Variants in MTMR7 observed in about 807,000 individuals in gnomAD.
MTMR7 encodes the protein myotubularin related protein 7.
A neutral mutation model predicts 81.2 loss-of-function variants in MTMR7; 76 were observed. That is an observed-to-expected ratio of 0.94 (90% CI 0.78 to 1.13). The LOEUF is 1.13. MTMR7 is among the 50% of genes most tolerant of loss of function. MTMR7 has a pLI of 0.00. For synonymous variants in MTMR7, 372 were observed against 289.8 expected (o/e 1.28, Z -2.88); for missense variants, 1,044 against 820.0 (o/e 1.27, Z -3.34).
rs184210310 is a variant in MTMR7 at position 17,393,986 on chromosome 8, T to A, written c.24+19283A>T. ...TAATTAGCTACCAGGTACATGCAAC[T>A]CAAACTACCACAAGATACCGCTTCA... On this transcript the variant is annotated intron_variant, in intron 1 of 13. Coordinates refer to ENST00000180173, the MANE Select transcript of MTMR7 (RefSeq NM_004686.5). Among the ~76,000 whole-genome samples, 673 of 152,262 alleles carry A rather than the reference T, an allele frequency of 4.4e-3. 5 individuals are homozygous for A. The highest frequency in any genetic ancestry group is 7.4e-3 in the Non-Finnish European group (504 of 68,026).
At chr8:17,336,002 A>T (rs1439477071) in intron 6 of MTMR7, among the ~76,000 whole-genome samples, 2 of 152,130 alleles carry the variant, frequency 1.3e-5, no homozygotes, top group Non-Finnish European at 2.9e-5. Context: ...GAGGGAGAAG[A>T]GAAGAGGTAA....
intron 3 of MTMR7, among the ~76,000 whole-genome samples, chr8:17,369,037 C>A (rs80333987): frequency 0.014 from 2,183 of 152,336 alleles, 52 homozygotes; most frequent in East Asian, 0.074. Flanking sequence ...CTGTGATTCA[C>A]TCATCACCAG....
At chr8:17,395,769 G>C (rs1821227427) in intron 1 of MTMR7, among the ~76,000 whole-genome samples, 3 of 152,120 alleles carry the variant, frequency 2.0e-5, no homozygotes, top group African/African-American at 7.2e-5. Flanking sequence ...TGTTTAAACT[G>C]GGTTGGCTGT....
At chr8:17,368,804 A>C (rs1820317654) in intron 3 of MTMR7, among the ~76,000 whole-genome samples, 1 of 152,190 alleles carries the variant, frequency 6.6e-6, no homozygotes, top group African/African-American at 2.4e-5. Flanking sequence ...GATTCTTTTT[A>C]ACTCCTCTTA....
chr8:17,408,088 T>C (rs1391619927), intron 1 of MTMR7, among the ~76,000 whole-genome samples: 1 of 152,072 alleles, frequency 6.6e-6, no homozygotes. Context: ...AAACCATCAA[T>C]CAGCAAGAAC....
intron 7 of MTMR7, among the ~76,000 whole-genome samples, chr8:17,324,168 G>C (rs1398734426): frequency 6.6e-6 from 1 of 152,146 alleles, no homozygotes; most frequent in African/African-American, 2.4e-5. Context: ...TTCTGCTCTA[G>C]GTCAAAATTG....
chr8:17,350,303 T>C (rs1819688446), intron 4 of MTMR7, among the ~76,000 whole-genome samples: 1 of 152,168 alleles, frequency 6.6e-6, no homozygotes, highest in Admixed American at 6.5e-5. Context: ...CTGGGTAATT[T>C]ATAAAGGAAA....
At chr8:17,399,371 T>A (rs1821355806) in intron 1 of MTMR7, among the ~76,000 whole-genome samples, 1 of 152,052 alleles carries the variant, frequency 6.6e-6, no homozygotes, top group Non-Finnish European at 1.5e-5. Flanking sequence ...AAGAAAGCAA[T>A]CCTATTTATA....
intron 4 of MTMR7, among the ~76,000 whole-genome samples, chr8:17,357,550 C>CT (rs1819931317): frequency 7.5e-6 from 1 of 133,762 alleles, no homozygotes; most frequent in African/African-American, 3.1e-5. Flanking sequence ...ACATAAAACA[C>CT]CTTTTTTTCC....
At chr8:17,304,012 T>G (rs1430531775) in intron 12 of MTMR7, among the ~76,000 whole-genome samples, 1 of 152,224 alleles carries the variant, frequency 6.6e-6, no homozygotes, top group East Asian at 1.9e-4. Context: ...AAACCACAAT[T>G]ATTTTTGCTC....
At chr8:17,406,134 C>G (rs556156100) in intron 1 of MTMR7, among the ~76,000 whole-genome samples, 21 of 151,908 alleles carry the variant, frequency 1.4e-4, no homozygotes, top group African/African-American at 5.1e-4. Context: ...GCACAAGTGA[C>G]AAAAGAAAAA....
chr8:17,316,836 C>A (rs570947954), intron 7 of MTMR7, among the ~76,000 whole-genome samples: 1 of 151,730 alleles, frequency 6.6e-6, no homozygotes, highest in African/African-American at 2.4e-5. Context: ...GGGACTTCTG[C>A]GTGTGTGGAT....
At chr8:17,313,259 G>C in intron 8 of MTMR7, 33 bp downstream of exon 8, 4 of 1,512,680 alleles carry the variant, frequency 2.6e-6, no homozygotes, top group Non-Finnish European at 3.7e-6. Flanking sequence ...TTGCTCATCT[G>C]TCCCTTAATT....
chr8:17,393,472 T>A (rs2898462), intron 1 of MTMR7, among the ~76,000 whole-genome samples: 9,143 of 152,236 alleles, frequency 0.06, 780 homozygotes, highest in African/African-American at 0.18. Context: ...GCAAGTCACA[T>A]ATCGAATTAT....
rs530240881 is a variant in MTMR7 at position 17,408,395 on chromosome 8, C to CAAAAAAAAAAAAAAAAAAAA, written c.24+4854_24+4873dup. Among the ~76,000 whole-genome samples, 24 of 23,504 alleles carry CAAAAAAAAAAAAAAAAAAAA rather than the reference C, an allele frequency of 1.0e-3. 2 individuals are homozygous for CAAAAAAAAAAAAAAAAAAAA. Among genetic ancestry groups the CAAAAAAAAAAAAAAAAAAAA allele is most frequent in the African/African-American group, 1.9e-3 (20 of 10,650 alleles). 15.4% of individuals were successfully genotyped at this position (23,504 alleles called of 152,430 possible). The stretch of plus-strand genomic sequence containing the variant: ...TGGGCGACAGAGCGAGACTCCGTCT[C>CAAAAAAAAAAAAAAAAAAAA]AAAAAAAAAAAAAAAAAAAAAAAGA... On this transcript the variant is annotated intron_variant, in intron 1 of 13. Transcript: ENST00000180173.
At chr8:17,369,753 C>G (rs113038051) in intron 3 of MTMR7, among the ~76,000 whole-genome samples, 1 of 150,924 alleles carries the variant, frequency 6.6e-6, no homozygotes, top group East Asian at 2.0e-4. Flanking sequence ...TCACGCCATC[C>G]TCCTGCCTCA....
chr8:17,399,147 A>G (rs1324577385), intron 1 of MTMR7, among the ~76,000 whole-genome samples: 1 of 151,382 alleles, frequency 6.6e-6, no homozygotes, highest in Non-Finnish European at 1.5e-5. Context: ...AGACAAGAGA[A>G]AAAAAAAATA....
intron 5 of MTMR7, among the ~76,000 whole-genome samples, chr8:17,343,675 A>C (rs148127389): frequency 6.6e-6 from 1 of 152,360 alleles, no homozygotes; most frequent in Non-Finnish European, 1.5e-5. Context: ...ACTGTTATAT[A>C]CTGTGGAATG....
At chr8:17,334,265 A>G (rs1456132219) in intron 6 of MTMR7, among the ~76,000 whole-genome samples, 1 of 152,232 alleles carries the variant, frequency 6.6e-6, no homozygotes, top group African/African-American at 2.4e-5. Flanking sequence ...ACGGTTTTAC[A>G]ATTAATAAAA....
Sources: allele counts gnomAD v4.1 joint callset (sites outside exome capture counted in the v4.1 genomes callset), GRCh38; gene constraint gnomAD v4.1.1; transcripts MANE v1.5; gene names NCBI Gene and HGNC (gene_info 2026-07-23, HGNC 2026-07-21).